Variants in PXDNL observed in about 807,000 individuals in gnomAD.
The protein encoded by PXDNL is peroxidasin like.
In PXDNL, 145 loss-of-function variants were observed where a neutral mutation model predicts 150.8. That is an observed-to-expected ratio of 0.96 (90% CI 0.84 to 1.10). PXDNL has a LOEUF of 1.10. Among genes scored for constraint, PXDNL ranks in the 50% least tolerant of loss-of-function variants. The pLI, the probability that PXDNL is intolerant of heterozygous loss-of-function variation, is 0.00. For missense variants in PXDNL, 2,087 were observed against 1,873.9 expected (o/e 1.11, Z -2.10); for synonymous variants, 757 against 725.7 (o/e 1.04, Z -0.69).
At chr8:51,433,329 A>G (rs1178717834) in intron 12 of PXDNL, among the ~76,000 whole-genome samples, 1 of 151,650 alleles carries the variant, frequency 6.6e-6, no homozygotes, top group Non-Finnish European at 1.5e-5. Flanking sequence ...TTTGTAGAAA[A>G]TATTTTATTT....
chr8:51,600,743 TTA>T (rs1165580393), intron 2 of PXDNL, among the ~76,000 whole-genome samples: 2 of 136,354 alleles, frequency 1.5e-5, no homozygotes, highest in South Asian at 2.3e-4. Flanking sequence ...CTTATATAAA[TTA>T]TATAGTTTAG....
chr8:51,712,073 A>G (rs1021362387), intron 1 of PXDNL, among the ~76,000 whole-genome samples: 7 of 152,228 alleles, frequency 4.6e-5, no homozygotes, highest in Non-Finnish European at 7.3e-5. Context: ...GCAACAATGT[A>G]TAAGAAACCA....
chr8:51,577,541 A>G (rs1813082326), intron 3 of PXDNL, among the ~76,000 whole-genome samples: 1 of 148,392 alleles, frequency 6.7e-6, no homozygotes, highest in South Asian at 2.1e-4. Context: ...AATATGAAAA[A>G]ATCACTACAA....
chr8:51,650,253 T>C (rs117595803), intron 2 of PXDNL, among the ~76,000 whole-genome samples: 1,813 of 152,160 alleles, frequency 0.012, 15 homozygotes, highest in Non-Finnish European at 0.02. Flanking sequence ...AATTTAACAA[T>C]GTACAGGCAT....
intron 21 of PXDNL, among the ~76,000 whole-genome samples, chr8:51,338,902 C>T (rs1208213592): frequency 1.3e-5 from 2 of 152,172 alleles, no homozygotes; most frequent in African/African-American, 2.4e-5. Flanking sequence ...TAAGAAGCTT[C>T]TTTGACTCTA....
intron 17 of PXDNL, among the ~76,000 whole-genome samples, chr8:51,388,466 T>A (rs1337756366): frequency 1.3e-5 from 2 of 152,330 alleles, no homozygotes; most frequent in South Asian, 4.1e-4. Flanking sequence ...TCCTGTGAGA[T>A]TTTTGGTTGT....
chr8:51,642,221 G>T (rs1011081217), intron 2 of PXDNL, among the ~76,000 whole-genome samples: 1 of 142,094 alleles, frequency 7.0e-6, no homozygotes, highest in Non-Finnish European at 1.6e-5. Flanking sequence ...TGGAGGGAGG[G>T]GGGAGGGATA....
intron 7 of PXDNL, among the ~76,000 whole-genome samples, chr8:51,473,593 G>A (rs1810400229): frequency 6.6e-6 from 1 of 152,078 alleles, no homozygotes; most frequent in Non-Finnish European, 1.5e-5. Context: ...ACAACACTGA[G>A]AAAAGAGTAA....
chr8:51,416,110 T>G (rs954924751), intron 14 of PXDNL, among the ~76,000 whole-genome samples: 3 of 152,198 alleles, frequency 2.0e-5, no homozygotes, highest in African/African-American at 7.2e-5. Flanking sequence ...CTTTTGGACC[T>G]CAAATATAGA....
intron 3 of PXDNL, among the ~76,000 whole-genome samples, chr8:51,587,175 T>A (rs1479596859): frequency 6.6e-6 from 1 of 152,190 alleles, no homozygotes; most frequent in Non-Finnish European, 1.5e-5. Flanking sequence ...TTTTGGAGTT[T>A]ATCATTAGAT....
chr8:51,634,844 C>T (rs1215335242), intron 2 of PXDNL, among the ~76,000 whole-genome samples: 1 of 152,110 alleles, frequency 6.6e-6, no homozygotes, highest in Non-Finnish European at 1.5e-5. Flanking sequence ...TGAAACCTTA[C>T]TGAAGTCACT....
intron 1 of PXDNL, among the ~76,000 whole-genome samples, chr8:51,719,881 A>G (rs1045359246): frequency 4.6e-5 from 7 of 152,072 alleles, no homozygotes; most frequent in African/African-American, 1.7e-4. Context: ...CTTAGAAGAG[A>G]AACAGCCTCT....
chr8:51,567,392 C>T (rs1226092398), intron 3 of PXDNL, among the ~76,000 whole-genome samples: 1 of 151,750 alleles, frequency 6.6e-6, no homozygotes, highest in African/African-American at 2.4e-5. Flanking sequence ...CTATCATAGT[C>T]GATTCCTCTA....
intron 8 of PXDNL, among the ~76,000 whole-genome samples, chr8:51,461,898 T>C (rs760820825): frequency 1.3e-5 from 2 of 152,112 alleles, no homozygotes; most frequent in Non-Finnish European, 2.9e-5. Context: ...AAGAAGTGCA[T>C]AGCTGAGGAA....
At chr8:51,643,646 G>A (rs1160805914) in intron 2 of PXDNL, among the ~76,000 whole-genome samples, 3 of 152,176 alleles carry the variant, frequency 2.0e-5, no homozygotes, top group South Asian at 2.1e-4. Flanking sequence ...AGGACTTCAC[G>A]TCTAAAACAC....
intron 1 of PXDNL, among the ~76,000 whole-genome samples, chr8:51,657,296 A>G (rs1815171543): frequency 6.6e-6 from 1 of 152,256 alleles, no homozygotes; most frequent in Non-Finnish European, 1.5e-5. Flanking sequence ...CTATATATGA[A>G]AATAAACCTA....
chr8:51,416,678 C>T (rs1808809691), intron 14 of PXDNL, among the ~76,000 whole-genome samples: 1 of 152,172 alleles, frequency 6.6e-6, no homozygotes. Context: ...CTGTGTTATA[C>T]TGTCAATATG....
intron 20 of PXDNL, 57 bp downstream of exon 20, chr8:51,345,776 G>A: frequency 1.9e-6 from 2 of 1,032,124 alleles, no homozygotes; most frequent in Non-Finnish European, 1.5e-6. Flanking sequence ...ACAAATTGTA[G>A]GTTTGAAGCA....
At chr8:51,496,607 A>AT (rs1477862636) in intron 5 of PXDNL, among the ~76,000 whole-genome samples, 3 of 152,196 alleles carry the variant, frequency 2.0e-5, no homozygotes, top group Non-Finnish European at 4.4e-5. Flanking sequence ...TACAAAATCA[A>AT]TGTGCAAAAA....
Sources: allele counts gnomAD v4.1 joint callset (sites outside exome capture counted in the v4.1 genomes callset), GRCh38; gene constraint gnomAD v4.1.1; transcripts MANE v1.5; gene names NCBI Gene and HGNC (gene_info 2026-07-23, HGNC 2026-07-21).